The following HIPK4 variants were observed in gnomAD, a reference collection of about 807,000 sequenced individuals.
HIPK4 encodes the protein homeodomain interacting protein kinase 4, also known as homeodomain-interacting protein kinase 4.
Under a neutral mutation model 44.8 loss-of-function variants are expected in HIPK4, and 26 were observed. The ratio of observed to expected loss-of-function variants is 0.58; its 90% CI spans 0.43 to 0.80. The LOEUF (loss-of-function observed/expected upper bound fraction) is 0.80. Among genes scored for constraint, HIPK4 ranks in the 30% least tolerant of loss-of-function variants. HIPK4 has a pLI of 0.00. For synonymous variants in HIPK4, 340 were observed against 355.5 expected, an observed-to-expected ratio of 0.96 and a Z score of 0.49; for missense variants, 729 against 862.6, an observed-to-expected ratio of 0.85 and a Z score of 1.94.
chr19:40,379,839 C>T (rs2079321992), intron 3 of HIPK4, 70 bp from the exon 4 acceptor site: 4 of 1,483,250 alleles, frequency 2.7e-6, no homozygotes, highest in Non-Finnish European at 9.1e-7. Flanking sequence ...GCCTCTGTCA[C>T]CTCCTCCTGA....
chr19:40,387,444 C>T (rs2145720034), intron 1 of HIPK4, among the ~76,000 whole-genome samples: 1 of 152,150 alleles, frequency 6.6e-6, no homozygotes, highest in East Asian at 1.9e-4. Context: ...GCCATTTTCA[C>T]CCTGAATCTC....
chr19:40,383,452 C>G (rs1292249237), intron 2 of HIPK4, among the ~76,000 whole-genome samples: 2 of 152,146 alleles, frequency 1.3e-5, no homozygotes, highest in Non-Finnish European at 2.9e-5. Context: ...GAGTCTTGCT[C>G]TGTCACCCAG....
rs1375230932 is a variant in HIPK4 at position 40,389,993 on chromosome 19, G to A, written c.-91C>T. On this transcript the variant is annotated 5_prime_UTR_variant, in exon 1 of 4. Coordinates refer to ENST00000291823, the MANE Select transcript of HIPK4 (RefSeq NM_144685.5). This position sits in a 1 kb window ranked among gnomAD's most constrained non-coding sequence, Gnocchi z 4.6. ...TCCCGCCTGGCTGCTGACACAGCAG[G>A]CCCCCCAGTGGGGGAAAGAGAACCG... 8 of 980,206 alleles carry A rather than the reference G, an allele frequency of 8.2e-6. No individual in the cohort carries two copies. The African/African-American group carries it at 1.1e-4, about 14-fold the overall frequency. 60.7% of individuals were successfully genotyped at this position (980,206 alleles called of 1,614,324 possible).
At position 40,381,032 on chromosome 19, in the gene HIPK4, A is replaced by G; in HGVS notation, c.959T>C (p.Met320Thr). The change falls in exon 3 of 4, where the codon ATG becomes ACG. Residue 320 changes from methionine to threonine, a missense_variant. This residue lies in a region of HIPK4 where 533 missense variants were observed against 567.5 expected (regional missense o/e 0.94). Transcript: ENST00000291823. ...CAGCATGCGCTTGATCAGCTCCACC[A>G]TGCTCTTGAGGTCGGCGTGCTCCGC... ...ALAEHADLKS[M>T]VELIKRMLTW... The G allele has an allele frequency of 6.2e-7, 1 of 1,613,508 alleles. No homozygotes were observed.
At chr19:40,384,679 T>C (rs1459708190) in intron 1 of HIPK4, among the ~76,000 whole-genome samples, 1 of 150,944 alleles carries the variant, frequency 6.6e-6, no homozygotes, top group African/African-American at 2.4e-5. Flanking sequence ...TGGCGCAATC[T>C]TGGCTCATTG....
At position 40,389,347 on chromosome 19, in the gene HIPK4, T is replaced by TA. The variant is rs1433088328; in HGVS notation, c.465+90dup. ...TCAAAAATAATAATAATAATAATTT[T>TA]AAAAAATTAAAAAAAAAATCTAGGG... On this transcript the variant is annotated intron_variant, in intron 1 of 3. Transcript: ENST00000291823. This position sits in a 1 kb window ranked among gnomAD's most constrained non-coding sequence, Gnocchi z 4.6. 3 of 589,826 alleles carry TA rather than the reference T, an allele frequency of 5.1e-6. No individual in the cohort carries two copies. The African/African-American group carries it at 5.8e-5, about 11-fold the overall frequency. 36.5% of individuals were successfully genotyped at this position (589,826 alleles called of 1,614,324 possible). A position where few individuals can be genotyped will look rare whatever the true frequency, so the allele number is the denominator to read the frequency against.
Position 40,379,620 on chromosome 19 carries a change from G to C in HIPK4, c.1818C>G (p.Thr606=). 1 of 1,547,474 alleles carries C rather than the reference G, an allele frequency of 6.5e-7. No individual in the cohort carries two copies. The highest frequency in any genetic ancestry group is 2.5e-5 in the East Asian group (1 of 40,676). Residue 606 remains threonine (T), a synonymous_variant, in exon 4 of 4, where the codon ACC becomes ACG. Coordinates refer to ENST00000291823, the MANE Select transcript of HIPK4 (RefSeq NM_144685.5). ...SHQHGPPRGA[T]SFLQHVTGHH is the part of the protein sequence containing the mutation. ...GCCCGGTGACATGCTGGAGGAAGCT[G>C]GTGGCCCCCCGGGGTGGACCATGCT... is the stretch of plus-strand genomic sequence containing the variant.
intron 1 of HIPK4, among the ~76,000 whole-genome samples, chr19:40,385,683 C>CTTTTCTTTTT (rs2079359657): frequency 1.5e-5 from 1 of 67,036 alleles, no homozygotes; most frequent in Non-Finnish European, 2.8e-5. Flanking sequence ...CTTTTCTTTT[C>CTTTTCTTTTT]TTTTTTTTTT....
In HIPK4 at chr19:40,380,549, C is replaced by T. The variant is rs752400189; in HGVS notation, c.1442G>A (p.Arg481His). 3.5e-5 allele frequency: 57 copies of T among 1,611,474 alleles called. No individual in the cohort carries two copies. The highest frequency in any genetic ancestry group is 6.7e-5 in the African/African-American group (5 of 74,928). The change falls in exon 3 of 4, where the codon CGC becomes CAC. Residue 481 changes from arginine to histidine, a missense_variant. By Grantham distance (29) the Arg-to-His change is conservative (BLOSUM62 0). This residue lies in a region of HIPK4 where 533 missense variants were observed against 567.5 expected (regional missense o/e 0.94). Transcript: ENST00000291823. The surrounding 1 kb of genome is among the most constrained non-coding windows in gnomAD (Gnocchi z 4.2). ...GCGGGCCTTGTGGCGGCCTGCCAGG[C>T]GGCTGCTGTAGAAGGCCAGGATGGG... ...PEPILAFYSS[R>H]LAGRHKARKP...
Position 40,379,304 on chromosome 19 carries a change from C to G in HIPK4, c.*283G>C, listed in dbSNP as rs2079316050. On this transcript the variant is annotated 3_prime_UTR_variant, in exon 4 of 4. Coordinates refer to ENST00000291823, the MANE Select transcript of HIPK4 (RefSeq NM_144685.5). ...AGTTCTATATTGAAATAGACAGAGG[C>G]AGCAGGGCCAAGGGCGAGCGCAGGG... 4 of 434,000 alleles carry G rather than the reference C, an allele frequency of 9.2e-6. No individual in the cohort carries two copies. In the South Asian group the frequency reaches 1.4e-4, roughly 15 times the overall value. 26.9% of individuals were successfully genotyped at this position (434,000 alleles called of 1,614,324 possible). A position where few individuals can be genotyped will look rare whatever the true frequency, so the allele number is the denominator to read the frequency against.
At position 40,383,845 on chromosome 19, in the gene HIPK4, G is replaced by T. The variant is rs1466619079; in HGVS notation, c.760C>A (p.His254Asn). The change falls in exon 2 of 4, where the codon CAC (histidine) becomes AAC (asparagine). Residue 254 changes from histidine (H) to asparagine (N), a missense_variant. His to Asn is a moderately conservative substitution (Grantham distance 68, BLOSUM62 1). This residue lies in a region of HIPK4 where 533 missense variants were observed against 567.5 expected (regional missense o/e 0.94). Coordinates refer to ENST00000291823, the MANE Select transcript of HIPK4 (RefSeq NM_144685.5). ...KAHHFFKRNPHPDAANPWQLK... is the reference protein window; with the variant it reads ...KAHHFFKRNPNPDAANPWQLK... ...TGCCAGGGGTTGGCAGCGTCAGGGTGGGGGTTGCGCTTGAAGAAGTGGTGG... is the reference window on the plus strand; with the variant it reads ...TGCCAGGGGTTGGCAGCGTCAGGGTTGGGGTTGCGCTTGAAGAAGTGGTGG... 1 of 1,614,168 alleles carries T rather than the reference G, an allele frequency of 6.2e-7. No homozygotes were observed. Among genetic ancestry groups the T allele is most frequent in the East Asian group, 2.2e-5 (1 of 44,884 alleles).
In HIPK4 at chr19:40,381,083, A is replaced by G. The variant is rs1422747409; in HGVS notation, c.908T>C (p.Leu303Pro). ...TVNGGSVASRLTFPDREALAE... is the reference protein window; with the variant it reads ...TVNGGSVASRPTFPDREALAE... ...CAGCGCCTCCCGGTCAGGGAAGGTT[A>G]GCCGACTGGCCACACTGCCACCATT... Residue 303 changes from leucine to proline, a missense_variant, in exon 3 of 4, where the codon CTA becomes CCA. Coordinates refer to ENST00000291823, the MANE Select transcript of HIPK4 (RefSeq NM_144685.5). The G allele has an allele frequency of 6.2e-7, 1 of 1,612,578 alleles. No homozygotes were observed.
At chr19:40,387,457 T>A (rs1271940545) in intron 1 of HIPK4, among the ~76,000 whole-genome samples, 1 of 152,188 alleles carries the variant, frequency 6.6e-6, no homozygotes, top group African/African-American at 2.4e-5. Flanking sequence ...TGAATCTCCG[T>A]GACTCTCTCT....
chr19:40,382,522 C>T (rs183575616), intron 2 of HIPK4, among the ~76,000 whole-genome samples: 1 of 152,300 alleles, frequency 6.6e-6, no homozygotes, highest in Non-Finnish European at 1.5e-5. Context: ...CGTCCTGTCA[C>T]ACTTATAGTA....
In HIPK4 at chr19:40,383,800, A is replaced by G. The variant is rs746309036; in HGVS notation, c.805T>C (p.Tyr269His). The change falls in exon 2 of 4, where the codon TAC (tyrosine) becomes CAC (histidine). Residue 269 changes from tyrosine to histidine, a missense_variant. Physicochemically the swap from Tyr to His is moderately conservative, Grantham distance 83 (BLOSUM62 2). Around this residue, in one of 2 missense-constraint regions of HIPK4, gnomAD observed 533 missense variants for 567.5 expected, o/e 0.94. Coordinates refer to ENST00000291823, the MANE Select transcript of HIPK4 (RefSeq NM_144685.5). ...TCCCTTACCTTCGTCTCGGCCAGGTAGTCAGCCGAGGACTTGAGCTGCCAG... is the reference window on the plus strand; with the variant it reads ...TCCCTTACCTTCGTCTCGGCCAGGTGGTCAGCCGAGGACTTGAGCTGCCAG... ...NPWQLKSSAD[Y>H]LAETKVRPLE... 33 of 1,608,162 alleles carry G rather than the reference A, an allele frequency of 2.1e-5. No homozygotes were observed. The South Asian group carries it at 3.6e-4, about 18-fold the overall frequency.
At chr19:40,386,092 C>T (rs570807425) in intron 1 of HIPK4, among the ~76,000 whole-genome samples, 11 of 151,410 alleles carry the variant, frequency 7.3e-5, no homozygotes, top group South Asian at 6.3e-4. Context: ...TTTTTTGTGA[C>T]GGAGTCTCGC....
chr19:40,389,537 T>C lies in HIPK4; in HGVS notation c.366A>G (p.Thr122=), dbSNP rs749932523. 2.2e-5 allele frequency: 35 copies of C among 1,613,682 alleles called. No homozygotes were observed. Among genetic ancestry groups the C allele is most frequent in the Admixed American group, 2.2e-4 (13 of 59,962 alleles). The stretch of plus-strand genomic sequence containing the variant: ...CCAGCTCCTTGAGCCGGGCCAGGGC[T>C]GTGAGCACCTGCAGGGTGACTGTAC... ...HIRTVTLQVL[T]ALARLKELAI... The change falls in exon 1 of 4, where the codon ACA becomes ACG. Residue 122 remains threonine, a synonymous_variant. Transcript: ENST00000291823. This position sits in a 1 kb window ranked among gnomAD's most constrained non-coding sequence, Gnocchi z 4.6.
intron 1 of HIPK4, among the ~76,000 whole-genome samples, chr19:40,386,470 C>A (rs1313795254): frequency 6.6e-6 from 1 of 152,208 alleles, no homozygotes; most frequent in Non-Finnish European, 1.5e-5. Context: ...CCTCCCGCCT[C>A]AGCCTCCTGA....
rs749399323 is a variant in HIPK4 at position 40,380,606 on chromosome 19, G to T, written c.1385C>A (p.Thr462Asn). The T allele has an allele frequency of 6.2e-7, 1 of 1,613,270 alleles. No individual in the cohort carries two copies. Among genetic ancestry groups the T allele is most frequent in the African/African-American group, 1.3e-5 (1 of 74,952 alleles). Reference sequence around the variant, plus strand: ...GCCCGAGTCGGGCACATGGTGGCCAGTGATGGCTGCCTTGAGGGGGACCAT... The same window carrying T: ...GCCCGAGTCGGGCACATGGTGGCCATTGATGGCTGCCTTGAGGGGGACCAT... Reference protein sequence around the residue: ...DMMVPLKAAITGHHVPDSGPE... With the variant: ...DMMVPLKAAINGHHVPDSGPE... Residue 462 changes from threonine (T) to asparagine (N), a missense_variant, in exon 3 of 4, where the codon ACT becomes AAT. Physicochemically the swap from Thr to Asn is moderately conservative, Grantham distance 65. Transcript: ENST00000291823. This position sits in a 1 kb window ranked among gnomAD's most constrained non-coding sequence, Gnocchi z 4.2.
Sources: gnomAD v4.1 joint callset for allele counts (sites outside exome capture counted in the v4.1 genomes callset) on GRCh38, gnomAD v4.1.1 for gene constraint, gnomAD v4.1.1 regional missense constraint, Gnocchi (gnomAD v3.1) non-coding constraint, MANE v1.5 for transcripts, NCBI Gene and HGNC (gene_info 2026-07-23, HGNC 2026-07-21) for gene names.